ELP1: variants seen among roughly 807,000 people sequenced by gnomAD.
ELP1 encodes elongator complex protein 1.
A neutral mutation model predicts 183.2 loss-of-function variants in ELP1; 131 were observed. The ratio of observed to expected loss-of-function variants is 0.72; its 90% confidence interval spans 0.62 to 0.83. The LOEUF (loss-of-function observed/expected upper bound fraction) is 0.83, where lower values mean the gene tolerates loss of function less well. Ranked by LOEUF, ELP1 falls within the 40% of genes least tolerant of loss-of-function variation. The pLI is 0.00. For missense variants in ELP1, 1,550 were observed against 1,594.9 expected, an observed-to-expected ratio of 0.97 and a Z score of 0.48; for synonymous variants, 555 against 569.0, an observed-to-expected ratio of 0.98 and a Z score of 0.35.
chr9:108,891,260 CCA>C lies in ELP1; in HGVS notation c.3101_3102del (p.Val1034GlyfsTer5), dbSNP rs771416176. 10 of 1,614,214 alleles carry C rather than the reference CCA, an allele frequency of 6.2e-6. No homozygotes were observed. The highest frequency in any genetic ancestry group is 8.5e-6 in the Non-Finnish European group (10 of 1,180,038). ...TCGNWKQALC[V>X]AAQLNFTKDQ... is the part of the protein sequence containing the mutation. ...TCTTTGGTAAAGTTAAGCTGGGCTG[CCA>C]CACAGAGGGCTTGCTTCCAGTTGCC... On this transcript the variant is annotated frameshift_variant, in exon 28 of 37. Coordinates refer to ENST00000374647, the MANE Select transcript of ELP1 (RefSeq NM_003640.5). LOFTEE classifies it high-confidence loss of function.
At chr9:108,905,636 A>G (rs1828989052) in intron 14 of ELP1, among the ~76,000 whole-genome samples, 1 of 152,192 alleles carries the variant, frequency 6.6e-6, no homozygotes, top group South Asian at 2.1e-4. Flanking sequence ...GCATCATTTA[A>G]CGATGGGGAT....
intron 15 of ELP1, 133 bp from the exon 16 acceptor site, chr9:108,903,075 T>A: frequency 1.8e-6 from 1 of 552,384 alleles, no homozygotes; most frequent in Non-Finnish European, 3.1e-6. Context: ...CATTATTTAT[T>A]TATATATATA....
intron 36 of ELP1, among the ~76,000 whole-genome samples, chr9:108,871,844 T>C (rs775458052): frequency 5.9e-5 from 9 of 152,218 alleles, no homozygotes; most frequent in Non-Finnish European, 1.2e-4. Context: ...CAATACAACA[T>C]AAAAAGGTAT....
In ELP1 at chr9:108,874,912, GTCT is replaced by G. The variant is rs1356662718; in HGVS notation, c.3911_3913del (p.Lys1304del). The G allele has an allele frequency of 6.2e-7, 1 of 1,611,346 alleles. No individual in the cohort carries two copies. Among genetic ancestry groups the G allele is most frequent in the South Asian group, 1.1e-5 (1 of 91,026 alleles). On this transcript the variant is annotated inframe_deletion, in exon 36 of 37. Coordinates refer to ENST00000374647, the MANE Select transcript of ELP1 (RefSeq NM_003640.5). The stretch of plus-strand genomic sequence containing the variant: ...ATACTAACCAAGAACAGGAACCGAA[GTCT>G]TCTGTTGCTGATAAGATGCCATGAT...
At position 108,900,339 on chromosome 9, in the gene ELP1, T is replaced by C. The variant is rs570649293; in HGVS notation, c.2051A>G (p.His684Arg). Residue 684 changes from histidine (H) to arginine (R), a missense_variant, in exon 19 of 37, where the codon CAT becomes CGT. Physicochemically the swap from His to Arg is conservative, Grantham distance 29 (BLOSUM62 0). Transcript: ENST00000374647. ...CTCCACTTTCCGCAGAACTTCCCCA[T>C]GGGACACATGATTGCTGCTCAGGCC... ...QAGLSSNHVS[H>R]GEVLRKVERG... 3 of 1,614,178 alleles carry C rather than the reference T, an allele frequency of 1.9e-6. No individual in the cohort carries two copies. In the South Asian group the frequency reaches 3.3e-5, roughly 18 times the overall value.
intron 6 of ELP1, 21 bp from the exon 7 acceptor site, chr9:108,919,370 C>A: frequency 6.6e-7 from 1 of 1,506,720 alleles, no homozygotes; most frequent in Non-Finnish European, 9.2e-7. Flanking sequence ...GAACAAACAC[C>A]AATATTACTG....
chr9:108,889,424 A>G (rs563927695), intron 28 of ELP1, 31 bp from the exon 29 acceptor site: 23 of 1,593,290 alleles, frequency 1.4e-5, no homozygotes, highest in Non-Finnish European at 2.0e-5. Context: ...AGTTGACTAC[A>G]AAGTTAAACA....
chr9:108,920,616 T>C (rs1276363761), intron 6 of ELP1, among the ~76,000 whole-genome samples: 1 of 151,156 alleles, frequency 6.6e-6, no homozygotes, highest in Non-Finnish European at 1.5e-5. Flanking sequence ...TACTGGGCAC[T>C]AGGAGAGCCC....
intron 36 of ELP1, among the ~76,000 whole-genome samples, chr9:108,874,048 C>G (rs148876545): frequency 8.5e-4 from 130 of 152,242 alleles, no homozygotes; most frequent in Non-Finnish European, 1.2e-3. Flanking sequence ...CTGTTAAAGT[C>G]AAACTTAATT....
chr9:108,902,441 C>A (rs575188215), intron 16 of ELP1, among the ~76,000 whole-genome samples: 1 of 152,226 alleles, frequency 6.6e-6, no homozygotes, highest in South Asian at 2.1e-4. Context: ...ATTAGTCAAG[C>A]GGTTTTGTTT....
rs776360931 is a variant in ELP1, at chr9:108,896,965, G to A, written c.2575C>T (p.His859Tyr). 2.5e-6 allele frequency: 4 copies of A among 1,613,884 alleles called. No individual in the cohort carries two copies. The highest frequency in any genetic ancestry group is 1.7e-5 in the Admixed American group (1 of 60,012). ...AGCGGATCTCTACCTTGAAGCTCGT[G>A]TACTTTTTGCAGTACAATTTCCAGT... ...PELEIVLQKV[H>Y]ELQGNAPSDP... The change falls in exon 24 of 37, where the codon CAC (histidine) becomes TAC (tyrosine). Residue 859 changes from histidine (H) to tyrosine (Y), a missense_variant. Transcript: ENST00000374647.
In ELP1 at chr9:108,903,569, G is replaced by A; in HGVS notation, c.1744C>T (p.Leu582Phe). ...CTAACACCTTGATACTCACCCCAAA[G>A]GTACTTAAATATCTGGCCATCAGCC... The part of the protein sequence containing the change: ...QLADGQIFKY[L>F]WESPSLAIKP... Residue 582 changes from leucine to phenylalanine, a missense_variant, in exon 15 of 37, where the codon CTT becomes TTT. Transcript: ENST00000374647. The A allele has an allele frequency of 6.2e-7, 1 of 1,606,548 alleles. No homozygotes were observed. The highest frequency in any genetic ancestry group is 1.3e-5 in the African/African-American group (1 of 74,838).
rs761082290 is a variant in ELP1, at chr9:108,902,872, G to A, written c.1821C>T (p.Cys607=). The A allele has an allele frequency of 1.2e-6, 2 of 1,613,786 alleles. No individual in the cohort carries two copies. Among genetic ancestry groups the A allele is most frequent in the African/African-American group, 1.3e-5 (1 of 74,904 alleles). ...GGFPVRFPYP[C]TQTELAMIGE... ...CAATCATGGCCAATTCGGTCTGGGT[G>A]CATGGATAAGGAAACCGAACAGGAA... Residue 607 remains cysteine, a synonymous_variant, in exon 16 of 37, where the codon TGC becomes TGT. Coordinates refer to ENST00000374647, the MANE Select transcript of ELP1 (RefSeq NM_003640.5).
At chr9:108,897,718 TG>T (rs1032905937) in intron 22 of ELP1, among the ~76,000 whole-genome samples, 4 of 152,218 alleles carry the variant, frequency 2.6e-5, no homozygotes, top group African/African-American at 9.6e-5. Flanking sequence ...AACTGATTTA[TG>T]GTAAAAAATT....
At chr9:108,931,971 A>G (rs1830015764) in intron 1 of ELP1, among the ~76,000 whole-genome samples, 1 of 152,162 alleles carries the variant, frequency 6.6e-6, no homozygotes. Flanking sequence ...TAAGTAGGGG[A>G]AAAAAATGTT....
In ELP1 at chr9:108,916,964, T is replaced by C. The variant is rs191727648; in HGVS notation, c.864+583A>G. ...TATAAATGAAAAACATCTTCATTAC[T>C]GGAAAAATTATGCTTTTGTCAAAAT... On this transcript the variant is annotated intron_variant, in intron 9 of 36. Coordinates refer to ENST00000374647, the MANE Select transcript of ELP1 (RefSeq NM_003640.5). Among the ~76,000 whole-genome samples, 39 of 152,320 alleles carry C rather than the reference T, an allele frequency of 2.6e-4. 1 individual carries two copies. In the East Asian group the frequency reaches 7.3e-3, roughly 29 times the overall value.
chr9:108,922,721 T>C, intron 6 of ELP1, 121 bp downstream of exon 6: 1 of 785,250 alleles, frequency 1.3e-6, no homozygotes, highest in South Asian at 1.4e-5. Flanking sequence ...CTAGGCAGTT[T>C]TACTAAAGCA....
chr9:108,885,388 C>A (rs1046294145), intron 29 of ELP1, among the ~76,000 whole-genome samples: 3 of 152,008 alleles, frequency 2.0e-5, no homozygotes, highest in African/African-American at 4.8e-5. Flanking sequence ...ACACTTCATA[C>A]CAATAAATCT....
intron 25 of ELP1, 101 bp downstream of exon 25, chr9:108,896,395 A>G (rs1828547397): frequency 9.4e-7 from 1 of 1,065,670 alleles, no homozygotes; most frequent in Non-Finnish European, 1.4e-6. Context: ...CTGCACTCAC[A>G]GAGTGATAGC....
Sources: allele counts gnomAD v4.1 joint callset (sites outside exome capture counted in the v4.1 genomes callset), GRCh38; gene constraint gnomAD v4.1.1; transcripts MANE v1.5; gene names NCBI Gene and HGNC (gene_info 2026-07-23, HGNC 2026-07-21).